LRP12: variants seen among roughly 807,000 people sequenced by gnomAD.
LRP12 encodes LDL receptor related protein 12.
Under a neutral mutation model 66.0 loss-of-function variants are expected in LRP12, and 14 were observed. The observed-to-expected ratio is 0.21, with a 90% CI of 0.14 to 0.33. LRP12 has a LOEUF of 0.33. Among genes scored for constraint, LRP12 ranks in the 10% least tolerant of loss-of-function variants. The pLI is 1.00. For missense variants in LRP12, 889 were observed against 1,053.4 expected (o/e 0.84, Z 2.16); for synonymous variants, 357 against 359.1 (o/e 0.99, Z 0.07).
At chr8:104,542,967 T>C (rs1230333556) in intron 1 of LRP12, among the ~76,000 whole-genome samples, 1 of 148,262 alleles carries the variant, frequency 6.7e-6, no homozygotes, top group African/African-American at 2.6e-5. Context: ...GAAAGACATA[T>C]TTGCGTGTGT....
chr8:104,545,063 T>A (rs1325583339), intron 1 of LRP12, among the ~76,000 whole-genome samples: 1 of 152,142 alleles, frequency 6.6e-6, no homozygotes, highest in Non-Finnish European at 1.5e-5. Context: ...AACAGGAGCT[T>A]GGATGAAGTT....
chr8:104,573,739 T>A (rs1812118255), intron 1 of LRP12, among the ~76,000 whole-genome samples: 2 of 151,430 alleles, frequency 1.3e-5, no homozygotes, highest in South Asian at 4.2e-4. Context: ...TTCTAAACAC[T>A]GAACTCAACA....
intron 2 of LRP12, among the ~76,000 whole-genome samples, chr8:104,513,968 T>C (rs1212412310): frequency 1.3e-5 from 2 of 152,182 alleles, no homozygotes; most frequent in Non-Finnish European, 2.9e-5. Context: ...CTTCAGAATA[T>C]CCTATATTCT....
Position 104,548,352 on chromosome 8 carries a change from T to TA in LRP12, c.80-16390dup, listed in dbSNP as rs1564142257. Among the ~76,000 whole-genome samples the TA allele has an allele frequency of 9.9e-5, 5 of 50,340 alleles. 1 individual carries two copies. Among genetic ancestry groups the TA allele is most frequent in the Admixed American group, 6.3e-4 (2 of 3,154 alleles). 33.0% of individuals were successfully genotyped at this position (50,340 alleles called of 152,430 possible). ...TATATTATATAAATATATAAATATA[T>TA]AATATATATTATATAAATATATTAT... On this transcript the variant is annotated intron_variant, in intron 1 of 6. Coordinates refer to ENST00000276654, the MANE Select transcript of LRP12 (RefSeq NM_013437.5).
intron 1 of LRP12, among the ~76,000 whole-genome samples, chr8:104,578,109 G>A (rs1812193557): frequency 6.6e-6 from 1 of 151,440 alleles, no homozygotes; most frequent in Non-Finnish European, 1.5e-5. Flanking sequence ...ACAAATCCAG[G>A]AGCTGGTTTT....
chr8:104,510,495 C>T (rs1810974996), intron 2 of LRP12, among the ~76,000 whole-genome samples: 1 of 152,022 alleles, frequency 6.6e-6, no homozygotes, highest in South Asian at 2.1e-4. Context: ...CTATCTGGAA[C>T]TCTCGTTGCA....
rs202010679 is a variant in LRP12 at position 104,588,893 on chromosome 8, G to A, written c.5C>T (p.Ala2Val). ...AGACTCTTTTGTGCTCCAGCGACAG[G>A]CCATAACCACAGCAGATGGAGAGAG... is the stretch of plus-strand genomic sequence containing the variant. M[A>V]CRWSTKESPR... is the part of the protein sequence containing the mutation. Residue 2 changes from alanine to valine, a missense_variant, in exon 1 of 7, where the codon GCC (alanine) becomes GTC (valine). Physicochemically the swap from Ala to Val is moderately conservative, Grantham distance 64. Transcript: ENST00000276654. 5 of 1,608,584 alleles carry A rather than the reference G, an allele frequency of 3.1e-6. No individual in the cohort carries two copies. In the African/African-American group the frequency reaches 4.0e-5, roughly 13 times the overall value.
At chr8:104,556,847 A>G (rs892140274) in intron 1 of LRP12, among the ~76,000 whole-genome samples, 13 of 152,316 alleles carry the variant, frequency 8.5e-5, no homozygotes, top group African/African-American at 3.1e-4. Context: ...TGATGACCAC[A>G]GATACAAAAA....
chr8:104,508,735 T>C (rs987784713), intron 3 of LRP12: 1 of 471,840 alleles, frequency 2.1e-6, no homozygotes, highest in African/African-American at 1.9e-5. Flanking sequence ...GCAAATACAT[T>C]ACCACCCTTA....
At chr8:104,563,557 C>A (rs373867786) in intron 1 of LRP12, among the ~76,000 whole-genome samples, 73 of 152,046 alleles carry the variant, frequency 4.8e-4, no homozygotes, top group African/African-American at 1.7e-3. Context: ...TATTTGTATC[C>A]TTCCCCAAAT....
At position 104,508,976 on chromosome 8, in the gene LRP12, A is replaced by T. The variant is rs893164566; in HGVS notation, c.235T>A (p.Phe79Ile). 2.0e-5 allele frequency: 32 copies of T among 1,613,624 alleles called. No homozygotes were observed. The highest frequency in any genetic ancestry group is 2.7e-5 in the Non-Finnish European group (32 of 1,179,712). The change falls in exon 3 of 7, where the codon TTC becomes ATC. Residue 79 changes from phenylalanine to isoleucine, a missense_variant. Phe to Ile is a conservative substitution (Grantham distance 21). Transcript: ENST00000276654. ...ATTTCGCCTGGGTTTGCCCTTATGA[A>T]CCAGCTACAGTTGATTTTTGCAGGA... is the stretch of plus-strand genomic sequence containing the variant. ...EYPAKINCSW[F>I]IRANPGEIIT...
chr8:104,532,429 A>C (rs75301574), intron 1 of LRP12, among the ~76,000 whole-genome samples: 6,156 of 152,034 alleles, frequency 0.04, 189 homozygotes, highest in South Asian at 0.075. Context: ...AAAATCTTTC[A>C]AATTTTTCTC....
At chr8:104,567,446 C>A (rs147704605) in intron 1 of LRP12, among the ~76,000 whole-genome samples, 1 of 152,106 alleles carries the variant, frequency 6.6e-6, no homozygotes, top group Non-Finnish European at 1.5e-5. Context: ...TGACCTCCCC[C>A]GGGTACCTCC....
At chr8:104,535,334 G>A (rs1035410654) in intron 1 of LRP12, among the ~76,000 whole-genome samples, 2 of 151,914 alleles carry the variant, frequency 1.3e-5, no homozygotes, top group Non-Finnish European at 2.9e-5. Flanking sequence ...TTAAGTTCTA[G>A]AGTCAGACTC....
At chr8:104,541,589 A>G (rs1249358242) in intron 1 of LRP12, among the ~76,000 whole-genome samples, 1 of 152,192 alleles carries the variant, frequency 6.6e-6, no homozygotes, top group Non-Finnish European at 1.5e-5. Flanking sequence ...AACCATCACC[A>G]CCACCATCTA....
intron 6 of LRP12, among the ~76,000 whole-genome samples, chr8:104,494,765 C>G (rs1336210354): frequency 6.6e-6 from 1 of 152,114 alleles, no homozygotes; most frequent in Admixed American, 6.5e-5. Context: ...AGTGTTCATT[C>G]TTAAATCTTG....
At chr8:104,565,154 G>A (rs965434663) in intron 1 of LRP12, among the ~76,000 whole-genome samples, 1 of 151,906 alleles carries the variant, frequency 6.6e-6, no homozygotes, top group Non-Finnish European at 1.5e-5. Context: ...ATATACAAGT[G>A]TAGACATATA....
chr8:104,569,618 A>G (rs1304685271), intron 1 of LRP12, among the ~76,000 whole-genome samples: 1 of 152,148 alleles, frequency 6.6e-6, no homozygotes, highest in Admixed American at 6.5e-5. Context: ...TTCATAATAA[A>G]GATTCATAAT....
rs559398557 is a variant in LRP12 at position 104,587,598 on chromosome 8, G to C, written c.79+1221C>G. Reference sequence around the variant, plus strand: ...AAGAATTTCTTGGCTGTCAGTAAATGCCCAATTACGTTCATTAATTCTTCA... The same window carrying C: ...AAGAATTTCTTGGCTGTCAGTAAATCCCCAATTACGTTCATTAATTCTTCA... On this transcript the variant is annotated intron_variant, in intron 1 of 6. Transcript: ENST00000276654. Among the ~76,000 whole-genome samples the C allele has an allele frequency of 1.3e-4, 20 of 152,266 alleles. No homozygotes were observed. In the South Asian group the frequency reaches 4.1e-3, roughly 32 times the overall value.
Sources: gnomAD v4.1 joint callset for allele counts (sites outside exome capture counted in the v4.1 genomes callset) on GRCh38, gnomAD v4.1.1 for gene constraint, MANE v1.5 for transcripts, NCBI Gene and HGNC (gene_info 2026-07-23, HGNC 2026-07-21) for gene names.